Variants in CA5A observed in about 807,000 individuals in gnomAD.
CA5A encodes carbonic anhydrase 5A.
CA5A carries 28 observed loss-of-function variants against 37.1 expected under a neutral mutation model. That is an observed-to-expected ratio of 0.75 (90% CI 0.56 to 1.03). The LOEUF is 1.03. Ranked by LOEUF, CA5A falls within the 50% of genes least tolerant of loss-of-function variation. The probability of loss-of-function intolerance (pLI) is 0.00; values close to 1 mark genes in which losing one functional copy is unlikely to be tolerated. For missense variants in CA5A, 444 were observed against 399.9 expected (o/e 1.11, Z -0.94); for synonymous variants, 171 against 158.4 (o/e 1.08, Z -0.60).
At chr16:87,929,495 G>T (rs970271529) in intron 1 of CA5A, among the ~76,000 whole-genome samples, 4 of 150,704 alleles carry the variant, frequency 2.7e-5, no homozygotes, top group Non-Finnish European at 4.4e-5. Context: ...TCAGAAATGC[G>T]TCTCCACCTA....
intron 5 of CA5A, among the ~76,000 whole-genome samples, chr16:87,894,741 T>C (rs1428929800): frequency 1.3e-5 from 2 of 151,788 alleles, no homozygotes; most frequent in Non-Finnish European, 2.9e-5. Flanking sequence ...TAGCCAGGCA[T>C]GGTGGCAGGT....
At position 87,936,275 on chromosome 16, in the gene CA5A, A is replaced by G. The variant is rs1344985094; in HGVS notation, c.142+34T>C. 5 of 1,497,222 alleles carry G rather than the reference A, an allele frequency of 3.3e-6. No individual in the cohort carries two copies. In the South Asian group the frequency reaches 5.6e-5, roughly 17 times the overall value. The allele number at this position is 1,497,222 out of a possible 1,614,324, so 92.7% of individuals were successfully genotyped here. ...ACCCCATCAGCTAAGACAAGGATCCAGTCGCATCTTAGGAAATTTGAGGCT... is the reference window on the plus strand; with the variant it reads ...ACCCCATCAGCTAAGACAAGGATCCGGTCGCATCTTAGGAAATTTGAGGCT... On this transcript the variant is annotated intron_variant, in intron 1 of 6. Coordinates refer to ENST00000649794, the MANE Select transcript of CA5A (RefSeq NM_001739.2).
At chr16:87,900,421 C>G (rs1298624883) in intron 5 of CA5A, among the ~76,000 whole-genome samples, 1 of 152,242 alleles carries the variant, frequency 6.6e-6, no homozygotes, top group Non-Finnish European at 1.5e-5. Context: ...ACAGATCAAA[C>G]GTCTCCTTGA....
At chr16:87,935,899 G>A (rs6540115) in intron 1 of CA5A, among the ~76,000 whole-genome samples, 15,329 of 151,836 alleles carry the variant, frequency 0.1, 1,280 homozygotes, top group African/African-American at 0.23. Flanking sequence ...AGGGCCGGGC[G>A]CCGTGGCTGA....
At chr16:87,897,364 G>T (rs1474612216) in intron 5 of CA5A, among the ~76,000 whole-genome samples, 1 of 152,270 alleles carries the variant, frequency 6.6e-6, no homozygotes, top group Non-Finnish European at 1.5e-5. Flanking sequence ...TGGCTATGGT[G>T]AGAGGGTCAA....
rs183845764 is a variant in CA5A at position 87,921,898 on chromosome 16, C to T, written c.340+4850G>A. Among the ~76,000 whole-genome samples, 302 of 151,716 alleles carry T rather than the reference C, an allele frequency of 2.0e-3. 1 individual carries two copies. Among genetic ancestry groups the T allele is most frequent in the Non-Finnish European group, 3.3e-3 (221 of 67,988 alleles). On this transcript the variant is annotated intron_variant, in intron 2 of 6. Transcript: ENST00000649794. The stretch of plus-strand genomic sequence containing the variant: ...TTATTATTTTTGAGAGACAGGATCT[C>T]GCTGTGTTGCCCAGGCTGGAGTTAA...
At chr16:87,930,906 A>C (rs1376400876) in intron 1 of CA5A, among the ~76,000 whole-genome samples, 2 of 150,972 alleles carry the variant, frequency 1.3e-5, no homozygotes, top group Admixed American at 1.3e-4. Flanking sequence ...ACGCCTGGGG[A>C]ATTTTTGTAT....
At position 87,891,939 on chromosome 16, in the gene CA5A, T is replaced by A. The variant is rs568509939; in HGVS notation, c.634A>T (p.Met212Leu). ...AGAGTGGAGGGGTCGAAGGGGCGCATGGCCGCCCGCGCGTCCTGAGAGACC... is the reference window on the plus strand; with the variant it reads ...AGAGTGGAGGGGTCGAAGGGGCGCAAGGCCGCCCGCGCGTCCTGAGAGACC... The part of the protein sequence containing the change: ...EIKHKDARAA[M>L]RPFDPSTLLP... Residue 212 changes from methionine (M) to leucine (L), a missense_variant, in exon 6 of 7, where the codon ATG becomes TTG. Transcript: ENST00000649794. 1.9e-6 allele frequency: 3 copies of A among 1,549,340 alleles called. No individual in the cohort carries two copies. Among genetic ancestry groups the A allele is most frequent in the Non-Finnish European group, 2.6e-6 (3 of 1,148,692 alleles).
At chr16:87,924,283 G>A (rs1265089320) in intron 2 of CA5A, 1 of 985,472 alleles carries the variant, frequency 1.0e-6, no homozygotes, top group African/African-American at 1.7e-5. Flanking sequence ...AGTGGAGCCT[G>A]ATGAAGCAAC....
intron 6 of CA5A, among the ~76,000 whole-genome samples, chr16:87,891,400 G>A (rs1478166197): frequency 2.6e-5 from 4 of 151,610 alleles, no homozygotes; most frequent in African/African-American, 9.7e-5. Flanking sequence ...CCCAGGAGGT[G>A]GAGGTTGTAG....
chr16:87,885,912 C>T (rs1412945403), downstream of CA5A: 1 of 152,198 alleles, frequency 6.6e-6, no homozygotes, highest in Non-Finnish European at 1.5e-5. Flanking sequence ...AATGTGAGCT[C>T]CGAGGCAAAG....
intron 4 of CA5A, chr16:87,882,444 G>C (rs951198314): frequency 7.2e-5 from 11 of 152,358 alleles, no homozygotes; most frequent in African/African-American, 2.6e-4. Flanking sequence ...TCTCAAGTGA[G>C]CCTCAGTTTC....
chr16:87,911,205 G>A lies in CA5A; in HGVS notation c.341-6301C>T, dbSNP rs1312955808. Among the ~76,000 whole-genome samples the A allele has an allele frequency of 2.6e-5, 4 of 152,076 alleles. No individual in the cohort carries two copies. The highest frequency in any genetic ancestry group is 1.9e-4 in the East Asian group (1 of 5,198). On this transcript the variant is annotated intron_variant, in intron 2 of 6. Coordinates refer to ENST00000649794, the MANE Select transcript of CA5A (RefSeq NM_001739.2). This position sits in a 1 kb window ranked among gnomAD's most constrained non-coding sequence, Gnocchi z 4.6. ...GCTATCAGCAGGGCTGGTCCACCGG[G>A]CAGCACTGGCCACTGTTGCCTCAGC...
chr16:87,913,656 C>G (rs924936657), intron 2 of CA5A, among the ~76,000 whole-genome samples: 2 of 137,218 alleles, frequency 1.5e-5, no homozygotes, highest in Non-Finnish European at 1.5e-5. Flanking sequence ...TGCCGTGGCC[C>G]CCCCCTCCTC....
intron 2 of CA5A, among the ~76,000 whole-genome samples, chr16:87,914,960 A>G (rs1249091336): frequency 2.0e-5 from 3 of 152,226 alleles, no homozygotes; most frequent in African/African-American, 7.2e-5. Flanking sequence ...GGAGCTAAGG[A>G]AAACGCCGGG....
chr16:87,912,617 C>T (rs1042375107), intron 2 of CA5A, among the ~76,000 whole-genome samples: 3 of 152,222 alleles, frequency 2.0e-5, no homozygotes, highest in African/African-American at 4.8e-5. Context: ...GACTTGCCCT[C>T]GCAGAGCGTG....
chr16:87,926,415 A>G (rs111591841), intron 2 of CA5A, among the ~76,000 whole-genome samples: 1 of 152,052 alleles, frequency 6.6e-6, no homozygotes, highest in East Asian at 1.9e-4. Flanking sequence ...TCCGACGCGC[A>G]AAGTGTTCGC....
At chr16:87,906,363 C>T (rs530498553) in intron 2 of CA5A, among the ~76,000 whole-genome samples, 4 of 152,320 alleles carry the variant, frequency 2.6e-5, no homozygotes, top group Admixed American at 6.5e-5. Context: ...CGTGGTGGCT[C>T]ACACCTGTAC....
At chr16:87,923,332 G>A (rs1396149171) in intron 2 of CA5A, among the ~76,000 whole-genome samples, 1 of 152,180 alleles carries the variant, frequency 6.6e-6, no homozygotes, top group Non-Finnish European at 1.5e-5. Context: ...GGAACCACAG[G>A]TGTGCGCCAC....
Sources: gnomAD v4.1 joint callset for allele counts (sites outside exome capture counted in the v4.1 genomes callset) on GRCh38, gnomAD v4.1.1 for gene constraint, Gnocchi (gnomAD v3.1) non-coding constraint, MANE v1.5 for transcripts, NCBI Gene and HGNC (gene_info 2026-07-23, HGNC 2026-07-21) for gene names.